TBC1D30: variants seen among roughly 807,000 people sequenced by gnomAD.
TBC1D30 encodes the protein TBC1 domain family member 30.
TBC1D30 carries 31 observed loss-of-function variants against 63.2 expected under a neutral mutation model. That is an observed-to-expected ratio of 0.49 (90% CI 0.37 to 0.66). The LOEUF (loss-of-function observed/expected upper bound fraction) is 0.66. Ranked by LOEUF, TBC1D30 falls within the 30% of genes least tolerant of loss-of-function variation. The pLI is 0.00. For missense variants in TBC1D30, 810 were observed against 953.6 expected (o/e 0.85, Z 1.98); for synonymous variants, 307 against 361.5 (o/e 0.85, Z 1.71).
intron 1 of TBC1D30, chr12:64,768,717 C>G (rs1175951115): frequency 6.6e-6 from 1 of 152,194 alleles, no homozygotes; most frequent in Non-Finnish European, 1.5e-5. Flanking sequence ...ATGTCAGTGA[C>G]TCTTGGCAAA....
At chr12:64,794,615 G>A (rs1288272287) in intron 2 of TBC1D30, among the ~76,000 whole-genome samples, 2 of 151,918 alleles carry the variant, frequency 1.3e-5, no homozygotes, top group Non-Finnish European at 2.9e-5. Flanking sequence ...TGTATTTTTT[G>A]TAGAGATGGG....
At position 64,880,552 on chromosome 12, in the gene TBC1D30, G is replaced by C. The variant is rs751893716; in HGVS notation, c.*4764G>C. The C allele has an allele frequency of 2.6e-5, 4 of 152,162 alleles. No individual in the cohort carries two copies. Among genetic ancestry groups the C allele is most frequent in the Non-Finnish European group, 4.4e-5 (3 of 68,044 alleles). The allele number at this position is 152,162 out of a possible 1,614,324, so 9.4% of individuals were successfully genotyped here. On this transcript the variant is annotated 3_prime_UTR_variant, in exon 12 of 12. Coordinates refer to ENST00000539867, the MANE Select transcript of TBC1D30 (RefSeq NM_015279.2). ...TTGGTCTCTTCCTCTTCTGATAAGGGCACTAACCTCATCATGAGGGTCCCA... is the reference window on the plus strand; with the variant it reads ...TTGGTCTCTTCCTCTTCTGATAAGGCCACTAACCTCATCATGAGGGTCCCA...
At position 64,794,364 on chromosome 12, in the gene TBC1D30, C is replaced by CT. The variant is rs1396862130; in HGVS notation, c.643+8324dup. Among the ~76,000 whole-genome samples, 9 of 152,182 alleles carry CT rather than the reference C, an allele frequency of 5.9e-5. No individual in the cohort carries two copies. In the Middle Eastern group the frequency reaches 0.01, roughly 173 times the overall value. ...ATTTCTTTGTTGATTTTTCTCCCTC[C>CT]TTTTTCTTTTTTCTTTTTCCTCTTT... is the stretch of plus-strand genomic sequence containing the variant. On this transcript the variant is annotated intron_variant, in intron 2 of 12. Coordinates refer to the TBC1D30 transcript ENST00000542120.
intron 8 of TBC1D30, among the ~76,000 whole-genome samples, chr12:64,856,879 C>T (rs368406391): frequency 1.3e-5 from 2 of 152,314 alleles, no homozygotes; most frequent in Middle Eastern, 3.4e-3. Context: ...ACCACCACCA[C>T]TAGTCCATAG....
At chr12:64,801,706 C>T (rs952262870) in intron 2 of TBC1D30, among the ~76,000 whole-genome samples, 1 of 152,064 alleles carries the variant, frequency 6.6e-6, no homozygotes, top group Admixed American at 6.5e-5. Context: ...AGTGTTAATA[C>T]AATCTTTACA....
At chr12:64,863,776 T>C (rs1877986914) in intron 8 of TBC1D30, among the ~76,000 whole-genome samples, 1 of 152,354 alleles carries the variant, frequency 6.6e-6, no homozygotes, top group South Asian at 2.1e-4. Flanking sequence ...AGACATCTTC[T>C]AAGCCTTCAT....
rs199948650 is a variant in TBC1D30, at chr12:64,848,238, CT to C, written c.1038+4758del. Among the ~76,000 whole-genome samples, 805 of 151,790 alleles carry C rather than the reference CT, an allele frequency of 5.3e-3. 4 individuals carry two copies. Among genetic ancestry groups the C allele is most frequent in the African/African-American group, 0.018 (761 of 41,406 alleles). On this transcript the variant is annotated intron_variant, in intron 8 of 11. Transcript: ENST00000539867. Reference sequence around the variant, plus strand: ...TTTGCTTTCCATTGGCATGGAATAACTTTTTCCATCCCTTCATTTTCAGTCT... The same window carrying C: ...TTTGCTTTCCATTGGCATGGAATAACTTTTCCATCCCTTCATTTTCAGTCT...
intron 1 of TBC1D30, among the ~76,000 whole-genome samples, chr12:64,775,058 A>C (rs1871026733): frequency 6.6e-6 from 1 of 151,736 alleles, no homozygotes; most frequent in Non-Finnish European, 1.5e-5. Flanking sequence ...GCACCACTGC[A>C]TTCCAGCCTG....
intron 6 of TBC1D30, 54 bp downstream of exon 6, chr12:64,836,712 T>G (rs1875393017): frequency 7.0e-7 from 1 of 1,424,578 alleles, no homozygotes; most frequent in Admixed American, 2.2e-5. Context: ...CTGATTCCAC[T>G]GTACAAATGA....
chr12:64,876,278 C>T lies in TBC1D30; in HGVS notation c.*490C>T, dbSNP rs1027427430. 6 of 157,340 alleles carry T rather than the reference C, an allele frequency of 3.8e-5. No individual in the cohort carries two copies. The highest frequency in any genetic ancestry group is 3.9e-4 in the South Asian group (2 of 5,128). The allele number at this position is 157,340 out of a possible 1,614,324, so 9.7% of individuals were successfully genotyped here. Reference sequence around the variant, plus strand: ...TCCTGATTTTCCTTTTCATGCTTTACGGAGGGGATTGTGTCGTGTGAGATT... The same window carrying T: ...TCCTGATTTTCCTTTTCATGCTTTATGGAGGGGATTGTGTCGTGTGAGATT... On this transcript the variant is annotated 3_prime_UTR_variant, in exon 12 of 12. Transcript: ENST00000539867.
chr12:64,852,805 A>G (rs770105409), intron 8 of TBC1D30, among the ~76,000 whole-genome samples: 1 of 152,152 alleles, frequency 6.6e-6, no homozygotes, highest in Non-Finnish European at 1.5e-5. Context: ...TTTCCTGGGT[A>G]TCACCAGTGA....
intron 7 of TBC1D30, among the ~76,000 whole-genome samples, chr12:64,839,606 T>G (rs1875664990): frequency 6.6e-6 from 1 of 152,196 alleles, no homozygotes; most frequent in East Asian, 1.9e-4. Flanking sequence ...AACTAGTAAA[T>G]CACTGGCACT....
In TBC1D30 at chr12:64,876,888, G is replaced by A. The variant is rs1296845956; in HGVS notation, c.*1100G>A. The A allele has an allele frequency of 6.6e-6, 3 of 455,904 alleles. No individual in the cohort carries two copies. In the East Asian group the frequency reaches 2.1e-4, roughly 32 times the overall value. The allele number at this position is 455,904 out of a possible 1,614,324, so 28.2% of individuals were successfully genotyped here. A position where few individuals can be genotyped will look rare whatever the true frequency, so the allele number is the denominator to read the frequency against. ...CACCTCTTGTCTCCACTATGCAGATGGGAACTCTGAGCCACACAGAGGTGA... is the reference window on the plus strand; with the variant it reads ...CACCTCTTGTCTCCACTATGCAGATAGGAACTCTGAGCCACACAGAGGTGA... On this transcript the variant is annotated 3_prime_UTR_variant, in exon 12 of 12. Transcript: ENST00000539867.
intron 1 of TBC1D30, among the ~76,000 whole-genome samples, chr12:64,760,625 C>G (rs907838061): frequency 6.6e-6 from 1 of 151,822 alleles, no homozygotes; most frequent in South Asian, 2.1e-4. Flanking sequence ...ATCCCCAGAC[C>G]GATATAACAA....
At position 64,875,962 on chromosome 12, in the gene TBC1D30, T is replaced by C; in HGVS notation, c.*174T>C. 1.7e-6 allele frequency: 1 copy of C among 585,638 alleles called. No homozygotes were observed. Among genetic ancestry groups the C allele is most frequent in the Non-Finnish European group, 2.8e-6 (1 of 361,444 alleles). The allele number at this position is 585,638 out of a possible 1,614,324, so 36.3% of individuals were successfully genotyped here. A position where few individuals can be genotyped will look rare whatever the true frequency, so the allele number is the denominator to read the frequency against. ...TTTATAATAGGAGTTAGAACAGGGC[T>C]GTTTTCCCAGCTACTTGCTAACTGA... On this transcript the variant is annotated 3_prime_UTR_variant, in exon 12 of 12. Coordinates refer to ENST00000539867, the MANE Select transcript of TBC1D30 (RefSeq NM_015279.2).
intron 2 of TBC1D30, among the ~76,000 whole-genome samples, chr12:64,801,370 AAGC>A (rs1177759613): frequency 2.0e-5 from 3 of 152,162 alleles, no homozygotes; most frequent in African/African-American, 7.2e-5. Context: ...TTGGCTATGA[AAGC>A]AAGAGAGGCA....
upstream of TBC1D30, among the ~76,000 whole-genome samples, chr12:64,819,859 C>T (rs1873784251): frequency 6.6e-6 from 1 of 152,168 alleles, no homozygotes; most frequent in Non-Finnish European, 1.5e-5. Context: ...GGCTTTTATG[C>T]CACCAGACCT....
intron 8 of TBC1D30, among the ~76,000 whole-genome samples, chr12:64,845,143 T>C (rs754196552): frequency 2.6e-5 from 4 of 152,122 alleles, no homozygotes; most frequent in African/African-American, 4.8e-5. Flanking sequence ...CAGCAGGGAA[T>C]TTTTGGATCA....
intron 2 of TBC1D30, among the ~76,000 whole-genome samples, chr12:64,806,232 A>G (rs1181702422): frequency 6.6e-6 from 1 of 152,212 alleles, no homozygotes; most frequent in Non-Finnish European, 1.5e-5. Context: ...TTGAATTTCA[A>G]TCTGTATTTT....
Sources: allele counts gnomAD v4.1 joint callset (sites outside exome capture counted in the v4.1 genomes callset), GRCh38; gene constraint gnomAD v4.1.1; transcripts MANE v1.5; gene names NCBI Gene and HGNC (gene_info 2026-07-23, HGNC 2026-07-21).